The following CES4A variants were observed in gnomAD, a reference collection of about 807,000 sequenced individuals.
CES4A encodes carboxylesterase 4A, also known as carboxylesterase 6.
In CES4A, 48 loss-of-function variants were observed where a neutral mutation model predicts 65.4. The ratio of observed to expected loss-of-function variants is 0.73; its 90% confidence interval spans 0.58 to 0.93. The LOEUF (loss-of-function observed/expected upper bound fraction) is 0.93, where lower values mean the gene tolerates loss of function less well. Ranked by LOEUF, CES4A falls within the 40% of genes least tolerant of loss-of-function variation. The pLI is 0.00. For synonymous variants in CES4A, 247 were observed against 281.8 expected (o/e 0.88, Z 1.24); for missense variants, 685 against 728.5 (o/e 0.94, Z 0.69).
chr16:66,997,884 G>A (rs2145608587), intron 2 of CES4A, among the ~76,000 whole-genome samples: 1 of 151,610 alleles, frequency 6.6e-6, no homozygotes, highest in East Asian at 1.9e-4. Context: ...GATTGCTTGG[G>A]CTTGGGAGGT....
chr16:66,992,474 G>A (rs1964470703), intron 1 of CES4A, among the ~76,000 whole-genome samples: 1 of 152,152 alleles, frequency 6.6e-6, no homozygotes, highest in African/African-American at 2.4e-5. Flanking sequence ...ATCTGGGGAG[G>A]TTTGCAACCC....
rs546989388 is a variant in CES4A at position 67,001,111 on chromosome 16, G to A, written c.536+121G>A. ...GGGTGGGGCCGCGAGGCGGGGGCGG[G>A]GCCTGGCGCTCGGTGGAAGGGGCGG... is the stretch of plus-strand genomic sequence containing the variant. On this transcript the variant is annotated intron_variant, in intron 4 of 13. Transcript: ENST00000648724. This position sits in a 1 kb window ranked among gnomAD's most constrained non-coding sequence, Gnocchi z 4.1. The A allele has an allele frequency of 4.0e-6, 5 of 1,256,226 alleles. No individual in the cohort carries two copies. Among genetic ancestry groups the A allele is most frequent in the Non-Finnish European group, 4.3e-6 (4 of 924,870 alleles). The allele number at this position is 1,256,226 out of a possible 1,614,324, so 77.8% of individuals were successfully genotyped here.
intron 2 of CES4A, chr16:66,996,077 C>T (rs1257298155): frequency 1.2e-5 from 7 of 595,746 alleles, no homozygotes; most frequent in East Asian, 7.3e-5. Flanking sequence ...CTCGCTCTGT[C>T]GCCAGGCTGG....
chr16:67,002,170 AATT>A (rs1965412219), intron 5 of CES4A, among the ~76,000 whole-genome samples: 1 of 152,154 alleles, frequency 6.6e-6, no homozygotes, highest in African/African-American at 2.4e-5. Flanking sequence ...AGGAAAAAAA[AATT>A]TTTTTTTTTG....
At position 67,003,667 on chromosome 16, in the gene CES4A, T is replaced by A; in HGVS notation, c.939+114T>A. 1.2e-6 allele frequency: 1 copy of A among 848,296 alleles called. No homozygotes were observed. Among genetic ancestry groups the A allele is most frequent in the Non-Finnish European group, 2.0e-6 (1 of 489,192 alleles). The allele number at this position is 848,296 out of a possible 1,614,324, so 52.5% of individuals were successfully genotyped here. ...AAGATCCCTTCCCTAGTGGAGCTGA[T>A]GTTCCAGTGGGGAAGGAGAATAAAC... is the stretch of plus-strand genomic sequence containing the variant. On this transcript the variant is annotated intron_variant, in intron 8 of 13. Transcript: ENST00000648724. The surrounding 1 kb of genome is among the most constrained non-coding windows in gnomAD (Gnocchi z 4.2).
At chr16:67,007,419 GC>G (rs1274022447) in intron 13 of CES4A, 1 of 152,034 alleles carries the variant, frequency 6.6e-6, no homozygotes, top group Non-Finnish European at 1.5e-5. Context: ...GGGATTACAG[GC>G]CACCACGCCT....
chr16:67,001,261 C>G lies in CES4A; in HGVS notation c.537-47C>G. 1.3e-6 allele frequency: 2 copies of G among 1,535,218 alleles called. No individual in the cohort carries two copies. The highest frequency in any genetic ancestry group is 1.7e-6 in the Non-Finnish European group (2 of 1,143,962). Reference sequence around the variant, plus strand: ...GCCCAGGAGGGCAGCCCAACGCGCCCCGACTGTCGAGGCCCGGGACCCTGA... The same window carrying G: ...GCCCAGGAGGGCAGCCCAACGCGCCGCGACTGTCGAGGCCCGGGACCCTGA... On this transcript the variant is annotated intron_variant, in intron 4 of 13. Transcript: ENST00000648724. This position sits in a 1 kb window ranked among gnomAD's most constrained non-coding sequence, Gnocchi z 4.1.
At chr16:67,005,043 C>T (rs1372107790) in intron 10 of CES4A, 170 bp downstream of exon 10, 16 of 727,672 alleles carry the variant, frequency 2.2e-5, no homozygotes, top group Non-Finnish European at 3.7e-5. Flanking sequence ...GTAAGGTGCT[C>T]AGGGTCACAG....
chr16:66,996,134 T>G, intron 2 of CES4A: 48 of 467,840 alleles, frequency 1.0e-4, no homozygotes, highest in East Asian at 3.0e-4. Flanking sequence ...GCCTCCCGGG[T>G]TCAAGCGAGT....
Position 67,001,242 on chromosome 16 carries a change from G to T in CES4A, c.537-66G>T. The T allele has an allele frequency of 6.7e-7, 1 of 1,498,718 alleles. No homozygotes were observed. 92.8% of individuals were successfully genotyped at this position (1,498,718 alleles called of 1,614,324 possible). A position where few individuals can be genotyped will look rare whatever the true frequency, so the allele number is the denominator to read the frequency against. ...GCTGGGCTGGGTGGGGGAAGCCCAGGAGGGCAGCCCAACGCGCCCCGACTG... is the reference window on the plus strand; with the variant it reads ...GCTGGGCTGGGTGGGGGAAGCCCAGTAGGGCAGCCCAACGCGCCCCGACTG... On this transcript the variant is annotated intron_variant, in intron 4 of 13. Transcript: ENST00000648724. This position sits in a 1 kb window ranked among gnomAD's most constrained non-coding sequence, Gnocchi z 4.1.
At chr16:67,006,967 A>T (rs1965814546) in intron 13 of CES4A, 150 bp downstream of exon 13, 1 of 640,106 alleles carries the variant, frequency 1.6e-6, no homozygotes, top group South Asian at 1.9e-5. Context: ...AGCTTTCCTC[A>T]GTCAGTCACC....
intron 13 of CES4A, chr16:67,008,753 T>G (rs958336909): frequency 1.9e-6 from 1 of 512,968 alleles, no homozygotes. Context: ...TCCAAAAGCC[T>G]TGGTCTTTTA....
chr16:67,002,984 C>T (rs1597087706), intron 5 of CES4A, 86 bp from the exon 6 acceptor site: 2 of 1,161,280 alleles, frequency 1.7e-6, no homozygotes, highest in East Asian at 2.3e-5. Flanking sequence ...ACTCAGGCTG[C>T]CTGCCCATGG....
At chr16:66,994,985 T>C (rs558378773) in intron 1 of CES4A, among the ~76,000 whole-genome samples, 199 of 137,858 alleles carry the variant, frequency 1.4e-3, no homozygotes, top group Middle Eastern at 9.3e-3. Flanking sequence ...GCCTGGGCGA[T>C]AGAGAAAGAC....
Position 67,006,820 on chromosome 16 carries a change from G to A in CES4A, c.1517+3G>A. ...TGGGCCAACTTTGCCCGCACAGGGT[G>A]AGTCTGCCCCCCAGCACATCTGGGC... On this transcript the variant is annotated splice_donor_region_variant and intron_variant, in intron 13 of 13. Transcript: ENST00000648724. The A allele has an allele frequency of 2.5e-6, 4 of 1,613,886 alleles. No individual in the cohort carries two copies. Among genetic ancestry groups the A allele is most frequent in the Non-Finnish European group, 3.4e-6 (4 of 1,179,870 alleles).
In CES4A at chr16:67,000,977, T is replaced by C. The variant is rs766656401; in HGVS notation, c.523T>C (p.Phe175Leu). 51 of 1,612,408 alleles carry C rather than the reference T, an allele frequency of 3.2e-5. No individual in the cohort carries two copies. The Admixed American group carries it at 8.5e-4, about 27-fold the overall frequency. Residue 175 changes from phenylalanine (F) to leucine (L), a missense_variant, in exon 4 of 14, where the codon TTC (phenylalanine) becomes CTC (leucine). By Grantham distance (22) the Phe-to-Leu change is conservative. Transcript: ENST00000648724. The surrounding 1 kb of genome is among the most constrained non-coding windows in gnomAD (Gnocchi z 4.2). The stretch of plus-strand genomic sequence containing the variant: ...GTTTCTGCAGCACAGGCTCGGCATC[T>C]TCGGCTTCCTGAGGTGGCGGGGCCG...
chr16:66,999,630 C>T (rs530956006), intron 2 of CES4A, among the ~76,000 whole-genome samples: 41 of 152,254 alleles, frequency 2.7e-4, no homozygotes, highest in African/African-American at 9.4e-4. Context: ...GGTGAAACCC[C>T]GACTCTACTA....
At chr16:66,997,992 C>G (rs1964993627) in intron 2 of CES4A, among the ~76,000 whole-genome samples, 1 of 130,728 alleles carries the variant, frequency 7.6e-6, no homozygotes, top group African/African-American at 2.7e-5. Flanking sequence ...CACACACACA[C>G]ACACACAGTT....
chr16:66,995,824 G>T (rs377408075), exon 2 of CES4A: 6 of 1,612,950 alleles, frequency 3.7e-6, no homozygotes, highest in Non-Finnish European at 5.1e-6. Context: ...CCACCTACCC[G>T]CCTGGGTAAG....
Sources: gnomAD v4.1 joint callset for allele counts (sites outside exome capture counted in the v4.1 genomes callset) on GRCh38, gnomAD v4.1.1 for gene constraint, Gnocchi (gnomAD v3.1) non-coding constraint, MANE v1.5 for transcripts, NCBI Gene and HGNC (gene_info 2026-07-23, HGNC 2026-07-21) for gene names.